The following GPC6 variants were observed in gnomAD, a reference collection of about 807,000 sequenced individuals.
The protein encoded by GPC6 is glypican-6.
A neutral mutation model predicts 55.2 loss-of-function variants in GPC6; 14 were observed. The ratio of observed to expected loss-of-function variants is 0.25; its 90% confidence interval spans 0.17 to 0.40. The LOEUF (loss-of-function observed/expected upper bound fraction) is 0.40, where lower values mean the gene tolerates loss of function less well. GPC6 is among the 10% of genes least tolerant of loss of function. The probability of loss-of-function intolerance (pLI) is 1.00; values close to 1 mark genes in which losing one functional copy is unlikely to be tolerated. For missense variants in GPC6, 641 were observed against 708.5 expected, an observed-to-expected ratio of 0.90 and a Z score of 1.08; for synonymous variants, 278 against 259.6, an observed-to-expected ratio of 1.07 and a Z score of -0.68.
At chr13:94,338,870 G>A (rs1877866905) in intron 6 of GPC6, among the ~76,000 whole-genome samples, 1 of 152,130 alleles carries the variant, frequency 6.6e-6, no homozygotes, top group African/African-American at 2.4e-5. Context: ...TGATGTTTTG[G>A]AAATGGCCCT....
chr13:93,511,006 TTC>T (rs1425872470), intron 1 of GPC6, among the ~76,000 whole-genome samples: 83 of 70,992 alleles, frequency 1.2e-3, no homozygotes, highest in South Asian at 1.7e-3. Flanking sequence ...TATATATATA[TTC>T]ATGTCCTTTG....
intron 1 of GPC6, among the ~76,000 whole-genome samples, chr13:93,431,868 C>T (rs1016896536): frequency 6.6e-6 from 1 of 152,156 alleles, no homozygotes; most frequent in African/African-American, 2.4e-5. Flanking sequence ...TGCTTCCCTT[C>T]CTGTAGATAA....
chr13:94,357,710 T>TAA (rs1018969244), intron 6 of GPC6, among the ~76,000 whole-genome samples: 8 of 152,326 alleles, frequency 5.3e-5, no homozygotes, highest in African/African-American at 1.7e-4. Context: ...TAAGTGCCCT[T>TAA]ACCTTTTCCC....
At chr13:93,359,276 G>A (rs1880963864) in intron 1 of GPC6, among the ~76,000 whole-genome samples, 2 of 151,826 alleles carry the variant, frequency 1.3e-5, no homozygotes, top group African/African-American at 4.8e-5. Flanking sequence ...TAATATTCTT[G>A]TGTAGAAAAA....
intron 2 of GPC6, among the ~76,000 whole-genome samples, chr13:93,658,776 G>C (rs936683274): frequency 6.6e-6 from 1 of 151,470 alleles, no homozygotes; most frequent in African/African-American, 2.4e-5. Flanking sequence ...CATTAATTTT[G>C]CTAATATTTT....
intron 2 of GPC6, among the ~76,000 whole-genome samples, chr13:93,776,801 T>G (rs78011016): frequency 0.019 from 2,903 of 152,280 alleles, 101 homozygotes; most frequent in African/African-American, 0.065. Flanking sequence ...CTTGTCCCTG[T>G]TAAACCATCA....
At chr13:93,321,281 C>T (rs1046945813) in intron 1 of GPC6, among the ~76,000 whole-genome samples, 1 of 152,130 alleles carries the variant, frequency 6.6e-6, no homozygotes, top group African/African-American at 2.4e-5. Context: ...ATTCACATTT[C>T]ATTAATTGGG....
chr13:94,009,763 G>A (rs1229475719), intron 3 of GPC6, among the ~76,000 whole-genome samples: 3 of 152,132 alleles, frequency 2.0e-5, no homozygotes, highest in South Asian at 4.2e-4. Flanking sequence ...GAATGGAAAT[G>A]GGACTCAGGA....
intron 4 of GPC6, among the ~76,000 whole-genome samples, chr13:94,057,411 T>C (rs1270103407): frequency 2.6e-5 from 4 of 152,202 alleles, no homozygotes; most frequent in African/African-American, 9.6e-5. Context: ...ATTATCACAG[T>C]CACGAAATAT....
chr13:93,412,630 C>G (rs1876549730), intron 1 of GPC6, among the ~76,000 whole-genome samples: 1 of 152,146 alleles, frequency 6.6e-6, no homozygotes, highest in Non-Finnish European at 1.5e-5. Flanking sequence ...TCACTCCAAC[C>G]TGGGTGACAG....
At chr13:93,435,966 G>A (rs550038811) in intron 1 of GPC6, among the ~76,000 whole-genome samples, 2 of 152,144 alleles carry the variant, frequency 1.3e-5, no homozygotes, top group Non-Finnish European at 1.5e-5. Flanking sequence ...CAGTGGGTTT[G>A]CAGCTCTCAG....
chr13:93,440,927 G>A (rs925673152), intron 1 of GPC6, among the ~76,000 whole-genome samples: 9 of 147,922 alleles, frequency 6.1e-5, no homozygotes, highest in African/African-American at 2.3e-4. Context: ...TCCCACCTAT[G>A]AGTGAGAACA....
At chr13:94,318,242 C>G (rs977630361) in intron 6 of GPC6, among the ~76,000 whole-genome samples, 8 of 152,156 alleles carry the variant, frequency 5.3e-5, no homozygotes, top group African/African-American at 1.9e-4. Flanking sequence ...GAGATTTTCA[C>G]TATGCGAGTA....
rs11384642 is a variant in GPC6, at chr13:94,324,705, GT to G, written c.1152+18593del. Among the ~76,000 whole-genome samples the G allele has an allele frequency of 1.2e-4, 17 of 147,738 alleles. 1 individual carries two copies. The highest frequency in any genetic ancestry group is 8.7e-4 in the Admixed American group (13 of 14,866). On this transcript the variant is annotated intron_variant, in intron 6 of 8. Transcript: ENST00000377047. ...AACCAGAACAAGACCTGGGTTTTTT[GT>G]TTTTTTTTTTAATTTCTGTTCTAGA... is the stretch of plus-strand genomic sequence containing the variant.
intron 1 of GPC6, among the ~76,000 whole-genome samples, chr13:93,238,311 A>T (rs1470285355): frequency 6.6e-6 from 1 of 152,042 alleles, no homozygotes; most frequent in African/African-American, 2.4e-5. Context: ...CTTATACTTT[A>T]AAATAAAAAT....
chr13:94,201,908 C>G (rs1566537303), intron 4 of GPC6, among the ~76,000 whole-genome samples: 1 of 152,258 alleles, frequency 6.6e-6, no homozygotes, highest in East Asian at 1.9e-4. Flanking sequence ...GAGATTGTGC[C>G]ACTGCGCTCC....
intron 3 of GPC6, among the ~76,000 whole-genome samples, chr13:93,980,878 C>T (rs1183274710): frequency 6.6e-6 from 1 of 152,138 alleles, no homozygotes; most frequent in Non-Finnish European, 1.5e-5. Context: ...TGCTTCCTCT[C>T]ACTTGCTTAC....
At chr13:94,271,370 G>GCA (rs1160290061) in intron 4 of GPC6, among the ~76,000 whole-genome samples, 87 of 85,812 alleles carry the variant, frequency 1.0e-3, no homozygotes, top group African/African-American at 3.0e-3. Context: ...ACACACACGC[G>GCA]CGCGCGCGCG....
At chr13:93,302,210 C>T (rs1033670911) in intron 1 of GPC6, among the ~76,000 whole-genome samples, 1 of 152,090 alleles carries the variant, frequency 6.6e-6, no homozygotes, top group Non-Finnish European at 1.5e-5. Flanking sequence ...AATCTTAAAA[C>T]GTGTGGGATC....
Sources: gnomAD v4.1 joint callset for allele counts (sites outside exome capture counted in the v4.1 genomes callset) on GRCh38, gnomAD v4.1.1 for gene constraint, MANE v1.5 for transcripts, NCBI Gene and HGNC (gene_info 2026-07-23, HGNC 2026-07-21) for gene names.